Variants in FRYL observed in about 807,000 individuals in gnomAD.
FRYL encodes protein furry homolog-like.
A neutral mutation model predicts 351.2 loss-of-function variants in FRYL; 150 were observed. The observed-to-expected ratio is 0.43, with a 90% CI of 0.37 to 0.49. FRYL has a LOEUF of 0.49. FRYL is among the 20% of genes least tolerant of loss of function. The pLI is 0.00. For missense variants in FRYL, 3,036 were observed against 3,619.3 expected, an observed-to-expected ratio of 0.84 and a Z score of 4.13; for synonymous variants, 1,153 against 1,257.1, an observed-to-expected ratio of 0.92 and a Z score of 1.75.
intron 26 of FRYL, 135 bp downstream of exon 26, chr4:48,573,051 G>A (rs1367240890): frequency 2.1e-5 from 13 of 605,702 alleles, no homozygotes; most frequent in East Asian, 1.5e-4. Flanking sequence ...GATCTTCTGC[G>A]GGGAGGGGAA....
chr4:48,752,372 T>TGACCCTGGAGCTG (rs1553881781), intron 1 of FRYL, among the ~76,000 whole-genome samples: 1 of 151,822 alleles, frequency 6.6e-6, no homozygotes, highest in Admixed American at 6.6e-5. Context: ...ACTCCGGATC[T>TGACCCTGGAGCTG]GCCCCTGGAG....
chr4:48,520,629 A>G (rs1381009786), intron 55 of FRYL: 1 of 153,286 alleles, frequency 6.5e-6, no homozygotes, highest in Non-Finnish European at 1.5e-5. Context: ...ATTTCATTTA[A>G]CAACTGCTAA....
rs1285238717 is a variant in FRYL at position 48,685,760 on chromosome 4, C to CT, written c.-203-966dup. 2.0e-3 allele frequency among the ~76,000 whole-genome samples: 288 copies of CT among 143,600 alleles called. 1 individual carries two copies. Among genetic ancestry groups the CT allele is most frequent in the Middle Eastern group, 7.5e-3 (2 of 266 alleles). 94.2% of individuals were successfully genotyped at this position (143,600 alleles called of 152,430 possible). ...TCAGGCACATTTCATGTTTTCTTGGCTTTTTTTTTTTTGACGGAGTTTCAC... is the reference window on the plus strand; with the variant it reads ...TCAGGCACATTTCATGTTTTCTTGGCTTTTTTTTTTTTTGACGGAGTTTCAC... On this transcript the variant is annotated intron_variant, in intron 2 of 63. Transcript: ENST00000358350.
intron 1 of FRYL, among the ~76,000 whole-genome samples, chr4:48,751,839 T>TTC (rs1773276847): frequency 9.4e-3 from 2 of 212 alleles, no homozygotes; most frequent in Non-Finnish European, 0.036. Flanking sequence ...AGAGATTCAA[T>TTC]TTTTTTTTTT....
At chr4:48,675,611 C>A (rs1273265793) in intron 3 of FRYL, among the ~76,000 whole-genome samples, 2 of 152,256 alleles carry the variant, frequency 1.3e-5, no homozygotes, top group African/African-American at 4.8e-5. Flanking sequence ...GCCTGCCATG[C>A]CTGAGCCTCC....
chr4:48,563,290 A>G (rs1055063279), intron 31 of FRYL, among the ~76,000 whole-genome samples: 48 of 152,168 alleles, frequency 3.2e-4, no homozygotes, highest in Admixed American at 3.9e-4. Context: ...AAAAAAAAAA[A>G]AAAAATCCAT....
At chr4:48,616,285 A>G (rs899674013) in intron 7 of FRYL, among the ~76,000 whole-genome samples, 1 of 152,194 alleles carries the variant, frequency 6.6e-6, no homozygotes, top group African/African-American at 2.4e-5. Flanking sequence ...AATTAAGTTT[A>G]TTTTTATCAT....
At chr4:48,673,684 T>C (rs1008013808) in intron 3 of FRYL, among the ~76,000 whole-genome samples, 2 of 152,234 alleles carry the variant, frequency 1.3e-5, no homozygotes, top group Non-Finnish European at 2.9e-5. Context: ...TATCACTTAG[T>C]AATCAAAAGG....
chr4:48,507,449 G>A (rs1478563598), intron 59 of FRYL, among the ~76,000 whole-genome samples: 1 of 39,134 alleles, frequency 2.6e-5, no homozygotes, highest in South Asian at 1.7e-3. Flanking sequence ...GTGTGATGGA[G>A]TAGCCTGTAT....
At chr4:48,548,353 A>T (rs1578058309) in intron 40 of FRYL, among the ~76,000 whole-genome samples, 1 of 152,190 alleles carries the variant, frequency 6.6e-6, no homozygotes, top group Non-Finnish European at 1.5e-5. Context: ...TCAACTTTTC[A>T]TTCACTCTGA....
chr4:48,540,317 A>T, intron 46 of FRYL, 36 bp downstream of exon 46: 2 of 1,578,270 alleles, frequency 1.3e-6, no homozygotes, highest in Non-Finnish European at 1.7e-6. Context: ...TTACTGCATA[A>T]AATGCAAAGT....
At chr4:48,580,814 CT>C (rs1409245642) in intron 22 of FRYL, 50 bp downstream of exon 22, 1 of 1,125,252 alleles carries the variant, frequency 8.9e-7, no homozygotes, top group African/African-American at 1.5e-5. Flanking sequence ...ACATATGTGT[CT>C]GTCATAAGTC....
chr4:48,601,068 C>G (rs1044780217), intron 13 of FRYL, among the ~76,000 whole-genome samples: 6 of 152,118 alleles, frequency 3.9e-5, no homozygotes, highest in African/African-American at 1.4e-4. Flanking sequence ...GGATAACATC[C>G]AGTGGATCAT....
chr4:48,509,796 G>A (rs1722096503), intron 59 of FRYL, among the ~76,000 whole-genome samples: 1 of 152,134 alleles, frequency 6.6e-6, no homozygotes, highest in African/African-American at 2.4e-5. Flanking sequence ...TCCCCACTTG[G>A]AATGTTGACA....
At chr4:48,730,452 T>A (rs1770596346) in intron 1 of FRYL, among the ~76,000 whole-genome samples, 1 of 151,976 alleles carries the variant, frequency 6.6e-6, no homozygotes, top group Admixed American at 6.6e-5. Context: ...AAGGTTGAAA[T>A]GAAGGAAAAA....
Position 48,704,945 on chromosome 4 carries a change from G to A in FRYL, c.-204+5574C>T, listed in dbSNP as rs1343403669. On this transcript the variant is annotated intron_variant, in intron 2 of 63. Coordinates refer to ENST00000358350, the MANE Select transcript of FRYL (RefSeq NM_015030.2). ...GCCTGGGCAACAAGAGCGAGACTCC[G>A]TCTCAAAAAAAAAAAAAAAAAAAAA... Among the ~76,000 whole-genome samples the A allele has an allele frequency of 1.1e-3, 137 of 125,038 alleles. 1 individual carries two copies. Among genetic ancestry groups the A allele is most frequent in the Middle Eastern group, 5.6e-3 (1 of 178 alleles). 82.0% of individuals were successfully genotyped at this position (125,038 alleles called of 152,430 possible).
intron 1 of FRYL, among the ~76,000 whole-genome samples, chr4:48,777,367 T>C (rs1316758195): frequency 1.3e-5 from 2 of 152,252 alleles, no homozygotes; most frequent in African/African-American, 2.4e-5. Context: ...GAAAGGTGTT[T>C]ATTTAAAAAA....
At chr4:48,745,732 C>A (rs1216340049) in intron 1 of FRYL, among the ~76,000 whole-genome samples, 1 of 151,966 alleles carries the variant, frequency 6.6e-6, no homozygotes, top group African/African-American at 2.4e-5. Context: ...TGCACATGTA[C>A]CCTAGAACTT....
At chr4:48,778,526 T>C (rs1776264770) in intron 1 of FRYL, among the ~76,000 whole-genome samples, 1 of 152,222 alleles carries the variant, frequency 6.6e-6, no homozygotes, top group Admixed American at 6.5e-5. Context: ...CACATGCAAG[T>C]ACTCTACATA....
Sources: allele counts gnomAD v4.1 joint callset (sites outside exome capture counted in the v4.1 genomes callset), GRCh38; gene constraint gnomAD v4.1.1; transcripts MANE v1.5; gene names NCBI Gene and HGNC (gene_info 2026-07-23, HGNC 2026-07-21).